Variants in SEMA3A observed in about 807,000 individuals in gnomAD.
SEMA3A encodes semaphorin 3A.
Under a neutral mutation model 97.9 loss-of-function variants are expected in SEMA3A, and 29 were observed. The ratio of observed to expected loss-of-function variants is 0.30; its 90% CI spans 0.22 to 0.40. The LOEUF (loss-of-function observed/expected upper bound fraction) is 0.40, where lower values mean the gene tolerates loss of function less well. Ranked by LOEUF, SEMA3A falls within the 10% of genes least tolerant of loss-of-function variation. SEMA3A has a pLI of 1.00. For missense variants in SEMA3A, 763 were observed against 951.3 expected, an observed-to-expected ratio of 0.80 and a Z score of 2.60; for synonymous variants, 321 against 323.7, an observed-to-expected ratio of 0.99 and a Z score of 0.09.
At chr7:84,408,881 C>G (rs545357223) in intron 1 of SEMA3A, among the ~76,000 whole-genome samples, 16 of 151,762 alleles carry the variant, frequency 1.1e-4, no homozygotes, top group Non-Finnish European at 1.6e-4. Context: ...ACATCACACA[C>G]CGGGGACTGT....
At position 84,266,313 on chromosome 7, in the gene SEMA3A, C is replaced by CAAAAAA. The variant is rs57809084; in HGVS notation, c.-83+40888_-83+40893dup. Among the ~76,000 whole-genome samples, 661 of 70,000 alleles carry CAAAAAA rather than the reference C, an allele frequency of 9.4e-3. 1 individual carries two copies. The highest frequency in any genetic ancestry group is 0.011 in the Non-Finnish European group (429 of 39,508). 45.9% of individuals were successfully genotyped at this position (70,000 alleles called of 152,430 possible). A position where few individuals can be genotyped will look rare whatever the true frequency, so the allele number is the denominator to read the frequency against. ...TCTAGCCTGGAGTGAGATTTGGTCTCAAAAAAAAAAAAAAAAAAAAAAAAG... is the reference window on the plus strand; with the variant it reads ...TCTAGCCTGGAGTGAGATTTGGTCTCAAAAAAAAAAAAAAAAAAAAAAAAAAAAAAG... On this transcript the variant is annotated intron_variant, in intron 3 of 3. Transcript: ENST00000424555.
intron 4 of SEMA3A, among the ~76,000 whole-genome samples, chr7:84,065,222 G>GAGAACAA (rs1562750498): frequency 7.4e-6 from 1 of 135,024 alleles, no homozygotes; most frequent in Admixed American, 7.7e-5. Context: ...TGAAACCAAC[G>GAGAACAA]AGAACAAAGA....
At chr7:84,479,252 T>G (rs142594174) in intron 1 of SEMA3A, among the ~76,000 whole-genome samples, 1 of 152,250 alleles carries the variant, frequency 6.6e-6, no homozygotes, top group Non-Finnish European at 1.5e-5. Context: ...AATGGCTAAG[T>G]GCTTAAGGTT....
intron 3 of SEMA3A, among the ~76,000 whole-genome samples, chr7:84,205,630 TG>T (rs1798473823): frequency 6.6e-6 from 1 of 152,170 alleles, no homozygotes. Flanking sequence ...AAAATATAAT[TG>T]CCACAATCTG....
intron 3 of SEMA3A, among the ~76,000 whole-genome samples, chr7:84,264,576 T>A (rs1799943541): frequency 6.6e-6 from 1 of 152,216 alleles, no homozygotes; most frequent in Non-Finnish European, 1.5e-5. Flanking sequence ...TGCATTCATG[T>A]ATGCAGATCT....
At chr7:84,364,249 A>C (rs1032968312) in intron 2 of SEMA3A, among the ~76,000 whole-genome samples, 12 of 151,908 alleles carry the variant, frequency 7.9e-5, no homozygotes, top group Middle Eastern at 3.4e-3. Flanking sequence ...GAAATCAATA[A>C]GTTTCATATA....
At chr7:83,981,130 CT>C (rs1260813828) in intron 14 of SEMA3A, among the ~76,000 whole-genome samples, 190 bp downstream of exon 14, 2 of 152,046 alleles carry the variant, frequency 1.3e-5, no homozygotes, top group African/African-American at 4.8e-5. Context: ...TTCTCTGTGA[CT>C]TTTTTTCTGA....
In SEMA3A at chr7:84,062,444, G is replaced by C. The variant is rs2691701; in HGVS notation, c.454-1886C>G. The stretch of plus-strand genomic sequence containing the variant: ...AAGATGGCCGAATAGGAACAGCTCC[G>C]GTCTACGGCTCCCAGAGTGAGCGAC... On this transcript the variant is annotated intron_variant, in intron 4 of 16. Transcript: ENST00000265362. Among the ~76,000 whole-genome samples the C allele has an allele frequency of 7.8e-3, 1,183 of 152,216 alleles. 17 individuals carry two copies. The highest frequency in any genetic ancestry group is 0.027 in the African/African-American group (1,137 of 41,522).
chr7:84,322,746 T>C (rs1473563414), intron 2 of SEMA3A, among the ~76,000 whole-genome samples: 1 of 152,178 alleles, frequency 6.6e-6, no homozygotes, highest in Non-Finnish European at 1.5e-5. Flanking sequence ...ACTAATACAA[T>C]CATTTTAAAG....
chr7:84,316,079 C>T (rs1399586068), intron 2 of SEMA3A, among the ~76,000 whole-genome samples: 1 of 138,340 alleles, frequency 7.2e-6, no homozygotes, highest in African/African-American at 2.8e-5. Flanking sequence ...ATTTCTGGTG[C>T]CCAGAAGTTC....
chr7:83,977,536 T>C (rs1196815105), intron 14 of SEMA3A, among the ~76,000 whole-genome samples: 1 of 151,872 alleles, frequency 6.6e-6, no homozygotes, highest in African/African-American at 2.4e-5. Flanking sequence ...AAGGCCTAAC[T>C]TCTGTGGAAA....
intron 1 of SEMA3A, among the ~76,000 whole-genome samples, chr7:84,482,841 T>C (rs538465973): frequency 6.6e-6 from 1 of 151,174 alleles, no homozygotes; most frequent in African/African-American, 2.4e-5. Context: ...TTCAAAAAGT[T>C]ACATGATAGA....
intron 11 of SEMA3A, among the ~76,000 whole-genome samples, chr7:84,002,379 T>C (rs1203864429): frequency 6.6e-6 from 1 of 152,208 alleles, no homozygotes; most frequent in African/African-American, 2.4e-5. Flanking sequence ...TTGGATCAAT[T>C]CTTTTCATTA....
intron 1 of SEMA3A, among the ~76,000 whole-genome samples, chr7:84,426,875 G>T (rs1340955683): frequency 1.3e-5 from 2 of 151,860 alleles, no homozygotes; most frequent in African/African-American, 4.8e-5. Context: ...TTCAGTGTTG[G>T]TACATATGCT....
intron 15 of SEMA3A, among the ~76,000 whole-genome samples, chr7:83,965,408 A>T (rs1419319646): frequency 6.6e-6 from 1 of 151,428 alleles, no homozygotes; most frequent in Non-Finnish European, 1.5e-5. Context: ...CATGTCTCCT[A>T]GGTCTATTTT....
intron 6 of SEMA3A, among the ~76,000 whole-genome samples, chr7:84,036,850 AT>A (rs1791958354): frequency 6.6e-6 from 1 of 151,946 alleles, no homozygotes; most frequent in South Asian, 2.1e-4. Flanking sequence ...TTCCAGTAAC[AT>A]TTTTTTAATG....
At chr7:84,211,653 T>G (rs1798631105) in intron 3 of SEMA3A, among the ~76,000 whole-genome samples, 1 of 151,994 alleles carries the variant, frequency 6.6e-6, no homozygotes, top group African/African-American at 2.4e-5. Flanking sequence ...ATTCCTGTTA[T>G]TTGGCACAGA....
chr7:84,485,059 G>T (rs1042004305), intron 1 of SEMA3A, among the ~76,000 whole-genome samples: 7 of 152,116 alleles, frequency 4.6e-5, no homozygotes, highest in Non-Finnish European at 1.0e-4. Context: ...AAATGGAAAT[G>T]ACAAATCTAC....
At chr7:84,365,487 C>T (rs1802825523) in intron 2 of SEMA3A, among the ~76,000 whole-genome samples, 1 of 135,746 alleles carries the variant, frequency 7.4e-6, no homozygotes, top group African/African-American at 2.9e-5. Context: ...ACCCTCATCT[C>T]TCTTTGTCTC....
Sources: gnomAD v4.1 joint callset for allele counts (sites outside exome capture counted in the v4.1 genomes callset) on GRCh38, gnomAD v4.1.1 for gene constraint, MANE v1.5 for transcripts, NCBI Gene and HGNC (gene_info 2026-07-23, HGNC 2026-07-21) for gene names.